MSRA: variants seen among roughly 807,000 people sequenced by gnomAD.
The protein encoded by MSRA is methionine sulfoxide reductase A.
MSRA carries 54 observed loss-of-function variants against 31.3 expected under a neutral mutation model. The observed-to-expected ratio is 1.73, with a 90% CI of 1.39 to 2.17. MSRA has a LOEUF of 2.17. Among genes scored for constraint, MSRA ranks in the 30% most tolerant of loss-of-function variants. MSRA has a pLI of 0.00. For missense variants in MSRA, 507 were observed against 300.9 expected (o/e 1.69, Z -5.07); for synonymous variants, 169 against 116.5 (o/e 1.45, Z -2.90).
chr8:10,070,250 C>T (rs1040353449), intron 1 of MSRA, among the ~76,000 whole-genome samples: 7 of 152,104 alleles, frequency 4.6e-5, no homozygotes, highest in African/African-American at 9.7e-5. Context: ...CTAAGTACAG[C>T]GTGGCAGCCG....
chr8:10,256,608 C>T (rs1454011579), intron 3 of MSRA, among the ~76,000 whole-genome samples: 2 of 152,138 alleles, frequency 1.3e-5, no homozygotes, highest in South Asian at 4.1e-4. Flanking sequence ...CTTTTCTTTT[C>T]TGAGCCACAT....
intron 5 of MSRA, among the ~76,000 whole-genome samples, chr8:10,400,837 G>A (rs1185423006): frequency 6.6e-6 from 1 of 152,186 alleles, no homozygotes; most frequent in Non-Finnish European, 1.5e-5. Context: ...AAAGAATGAA[G>A]CTGGATCCTT....
intron 5 of MSRA, among the ~76,000 whole-genome samples, chr8:10,325,062 C>G (rs1802283014): frequency 6.6e-6 from 1 of 152,162 alleles, no homozygotes; most frequent in African/African-American, 2.4e-5. Flanking sequence ...GCTGGCCTAG[C>G]AAGAGGCAGA....
At chr8:10,226,279 C>T (rs564577456) in intron 2 of MSRA, among the ~76,000 whole-genome samples, 4 of 152,210 alleles carry the variant, frequency 2.6e-5, no homozygotes, top group Non-Finnish European at 5.9e-5. Flanking sequence ...TAATAGCCCT[C>T]CCAGCTCTGC....
intron 5 of MSRA, among the ~76,000 whole-genome samples, chr8:10,329,872 C>T (rs1802590274): frequency 6.6e-6 from 1 of 151,846 alleles, no homozygotes; most frequent in Non-Finnish European, 1.5e-5. Context: ...AGTTTATCCC[C>T]TTTCATACAT....
chr8:10,156,567 A>G (rs920357423), intron 1 of MSRA, among the ~76,000 whole-genome samples: 4 of 152,194 alleles, frequency 2.6e-5, no homozygotes, highest in African/African-American at 9.7e-5. Context: ...AAAATAAACA[A>G]TAAGTAAAAC....
chr8:10,058,812 A>G (rs1224598512), intron 1 of MSRA, among the ~76,000 whole-genome samples: 3 of 152,130 alleles, frequency 2.0e-5, no homozygotes, highest in Non-Finnish European at 4.4e-5. Context: ...AATAAATTCT[A>G]CCTTTTTTGT....
At chr8:10,306,689 T>C (rs1801157871) in intron 4 of MSRA, among the ~76,000 whole-genome samples, 1 of 152,124 alleles carries the variant, frequency 6.6e-6, no homozygotes, top group Admixed American at 6.5e-5. Flanking sequence ...CTGGTCTGTA[T>C]CCTCCTAACT....
chr8:10,347,820 T>A (rs1308419985), intron 5 of MSRA, among the ~76,000 whole-genome samples: 5 of 152,164 alleles, frequency 3.3e-5, no homozygotes, highest in African/African-American at 1.2e-4. Flanking sequence ...ACATGGCAGT[T>A]CCTCCCCTCC....
At chr8:10,074,439 G>C (rs767956247) in intron 1 of MSRA, among the ~76,000 whole-genome samples, 1 of 152,034 alleles carries the variant, frequency 6.6e-6, no homozygotes, top group Non-Finnish European at 1.5e-5. Context: ...TCACTGAAAA[G>C]AGTGGGATGA....
intron 1 of MSRA, among the ~76,000 whole-genome samples, chr8:10,159,259 T>G (rs919748323): frequency 6.6e-6 from 1 of 152,184 alleles, no homozygotes; most frequent in Non-Finnish European, 1.5e-5. Context: ...CGTGAGGCCA[T>G]CCATTGACAG....
chr8:10,218,717 G>A (rs375978996), intron 2 of MSRA, among the ~76,000 whole-genome samples: 12 of 152,322 alleles, frequency 7.9e-5, no homozygotes, highest in African/African-American at 2.9e-4. Flanking sequence ...CCAAGTGTCA[G>A]TGTATATATG....
chr8:10,055,797 T>C (rs1424438213), intron 1 of MSRA, among the ~76,000 whole-genome samples: 1 of 152,228 alleles, frequency 6.6e-6, no homozygotes, highest in African/African-American at 2.4e-5. Context: ...CGTAGAATAA[T>C]CAGTATGAGA....
chr8:10,233,354 C>G (rs2975731), intron 2 of MSRA, among the ~76,000 whole-genome samples: 63,978 of 152,020 alleles, frequency 0.42, 14,560 homozygotes, highest in Non-Finnish European at 0.54. Context: ...ATGAATAATG[C>G]AAAGAAAGGA....
intron 1 of MSRA, among the ~76,000 whole-genome samples, chr8:10,084,615 G>T (rs1798460120): frequency 6.6e-6 from 1 of 152,194 alleles, no homozygotes; most frequent in African/African-American, 2.4e-5. Context: ...GCTAGTTAAG[G>T]TCTCTGTGCC....
At chr8:10,380,040 G>A (rs866079499) in intron 5 of MSRA, among the ~76,000 whole-genome samples, 1 of 152,184 alleles carries the variant, frequency 6.6e-6, no homozygotes, top group South Asian at 2.1e-4. Context: ...AAGTTCTAGT[G>A]AAAGAGAAAT....
At chr8:10,224,165 C>G (rs751596845) in intron 2 of MSRA, among the ~76,000 whole-genome samples, 16 of 152,194 alleles carry the variant, frequency 1.1e-4, no homozygotes, top group Non-Finnish European at 1.5e-5. Context: ...GTAGCTTCTT[C>G]TCCCACCAAA....
At chr8:10,225,249 A>G (rs934723503) in intron 2 of MSRA, among the ~76,000 whole-genome samples, 17 of 152,012 alleles carry the variant, frequency 1.1e-4, no homozygotes, top group African/African-American at 4.1e-4. Flanking sequence ...TTCAGTTGAA[A>G]CCCTACTCTT....
chr8:10,285,523 T>C (rs147608112), intron 3 of MSRA, among the ~76,000 whole-genome samples: 99 of 152,298 alleles, frequency 6.5e-4, no homozygotes, highest in African/African-American at 2.3e-3. Flanking sequence ...CTTCTAGCTG[T>C]CTGAAAATAT....
Sources: allele counts gnomAD v4.1 joint callset (sites outside exome capture counted in the v4.1 genomes callset), GRCh38; gene constraint gnomAD v4.1.1; transcripts MANE v1.5; gene names NCBI Gene and HGNC (gene_info 2026-07-23, HGNC 2026-07-21).